The following ZNF44 variants were observed in gnomAD, a reference collection of about 807,000 sequenced individuals.
ZNF44 encodes the protein zinc finger protein 44.
A neutral mutation model predicts 11.7 loss-of-function variants in ZNF44; 9 were observed. The observed-to-expected ratio is 0.77, with a 90% CI of 0.46 to 1.35. ZNF44 has a LOEUF of 1.35. Among genes scored for constraint, ZNF44 ranks in the 40% most tolerant of loss-of-function variants. The pLI, the probability that ZNF44 is intolerant of heterozygous loss-of-function variation, is 0.00. For synonymous variants in ZNF44, 224 were observed against 242.7 expected (o/e 0.92, Z 0.72); for missense variants, 696 against 743.1 (o/e 0.94, Z 0.74).
chr19:12,238,669 G>A (rs1013406636), upstream of ZNF44, among the ~76,000 whole-genome samples: 1 of 150,694 alleles, frequency 6.6e-6, no homozygotes, highest in Non-Finnish European at 1.5e-5. Context: ...GGTGGCACGT[G>A]CCTGTAATCC....
intron 5 of ZNF44, among the ~76,000 whole-genome samples, chr19:12,263,650 G>T (rs1238862210): frequency 2.6e-5 from 4 of 152,112 alleles, no homozygotes; most frequent in African/African-American, 9.6e-5. Context: ...TTAGCGCTGG[G>T]TGCAGTGGCT....
Position 12,248,231 on chromosome 19 carries a change from T to C in ZNF44, c.*634A>G, listed in dbSNP as rs1227873669. On this transcript the variant is annotated 3_prime_UTR_variant and NMD_transcript_variant, in exon 8 of 8. Coordinates refer to the ZNF44 transcript ENST00000393337. Reference sequence around the variant, plus strand: ...CTCCAGTATGAGCCTTTTCATGTTTTTGAGCAGATTGGTGGTATCGGAATG... The same window carrying C: ...CTCCAGTATGAGCCTTTTCATGTTTCTGAGCAGATTGGTGGTATCGGAATG... 2.3e-6 allele frequency: 3 copies of C among 1,302,674 alleles called. No individual in the cohort carries two copies. The South Asian group carries it at 3.7e-5, about 16-fold the overall frequency. The allele number at this position is 1,302,674 out of a possible 1,614,324, so 80.7% of individuals were successfully genotyped here.
intron 5 of ZNF44, among the ~76,000 whole-genome samples, chr19:12,261,642 TAAC>T (rs1012703498): frequency 3.3e-5 from 5 of 152,022 alleles, no homozygotes; most frequent in African/African-American, 1.2e-4. Context: ...TCTCTAACAA[TAAC>T]AACAACAACA....
chr19:12,258,204 G>A (rs891984814), intron 5 of ZNF44, among the ~76,000 whole-genome samples: 2 of 147,104 alleles, frequency 1.4e-5, no homozygotes, highest in Non-Finnish European at 3.0e-5. Flanking sequence ...GCATGGTGGC[G>A]CACCTGTGGT....
exon 8 of ZNF44, chr19:12,248,420 G>A: frequency 7.7e-7 from 1 of 1,290,972 alleles, no homozygotes; most frequent in Non-Finnish European, 1.0e-6. Context: ...GCAGATAACT[G>A]AAGGGTTTCC....
intron 3 of ZNF44, chr19:12,226,611 C>T (rs746582335): frequency 3.3e-5 from 5 of 152,064 alleles, no homozygotes; most frequent in Non-Finnish European, 7.4e-5. Context: ...AGATAGTTTC[C>T]AAATTCTGGA....
At chr19:12,242,368 G>A (rs534679289), upstream of ZNF44, among the ~76,000 whole-genome samples, 25 of 151,856 alleles carry the variant, frequency 1.6e-4, 1 homozygote, top group African/African-American at 5.6e-4. Flanking sequence ...AAATTAGCCG[G>A]GCGTGGTGGT....
chr19:12,293,149 C>A, intron 1 of ZNF44: 1 of 1,452,714 alleles, frequency 6.9e-7, no homozygotes, highest in East Asian at 2.5e-5. Flanking sequence ...GGATTACAGG[C>A]GTGAGCCACC....
At chr19:12,247,236 C>A, downstream of ZNF44, 2 of 1,132,064 alleles carry the variant, frequency 1.8e-6, no homozygotes, top group Non-Finnish European at 2.2e-6. Context: ...CTTTGAAAAT[C>A]GTTAAAATTG....
At chr19:12,279,653 TAAAC>T (rs997496544) in intron 1 of ZNF44, among the ~76,000 whole-genome samples, 5 of 151,888 alleles carry the variant, frequency 3.3e-5, no homozygotes, top group Admixed American at 2.0e-4. Flanking sequence ...AAGACAATAA[TAAAC>T]AAAGAACTAA....
chr19:12,253,871 C>G (rs1176521074), intron 5 of ZNF44, among the ~76,000 whole-genome samples: 1 of 151,872 alleles, frequency 6.6e-6, no homozygotes, highest in Non-Finnish European at 1.5e-5. Flanking sequence ...CCCAGCTACT[C>G]GGGAGGCTGA....
Position 12,273,565 on chromosome 19 carries a change from A to G in ZNF44, c.690T>C (p.Cys230=), listed in dbSNP as rs751917669. 2.5e-6 allele frequency: 4 copies of G among 1,614,018 alleles called. No homozygotes were observed. The East Asian group carries it at 6.7e-5, about 27-fold the overall frequency. Residue 230 remains cysteine, a synonymous_variant, in exon 4 of 4, where the codon TGT becomes TGC. Coordinates refer to ENST00000355684, the MANE Select transcript of ZNF44 (RefSeq NM_016264.4). ...TGEKPYECKQ[C]SKAFPVYSSY... ...AACTGTAAACAGGGAAGGCTTTAGAACACTGCTTACATTCATATGGTTTCT... is the reference window on the plus strand; with the variant it reads ...AACTGTAAACAGGGAAGGCTTTAGAGCACTGCTTACATTCATATGGTTTCT...
intron 3 of ZNF44, among the ~76,000 whole-genome samples, 200 bp from the exon 4 acceptor site, chr19:12,274,263 ATTC>A (rs1267157842): frequency 1.4e-5 from 2 of 143,244 alleles, no homozygotes; most frequent in Admixed American, 7.0e-5. Context: ...GGGATTCTTA[ATTC>A]TTTTTTTTTT....
upstream of ZNF44, among the ~76,000 whole-genome samples, chr19:12,240,608 C>T (rs1916582814): frequency 6.6e-6 from 1 of 151,912 alleles, no homozygotes; most frequent in Non-Finnish European, 1.5e-5. Flanking sequence ...TGTGTAGGGA[C>T]AGACATACAG....
At chr19:12,243,218 T>TC (rs1916676966), downstream of ZNF44, among the ~76,000 whole-genome samples, 1 of 152,122 alleles carries the variant, frequency 6.6e-6, no homozygotes, top group Non-Finnish European at 1.5e-5. Context: ...TGTATATATA[T>TC]ACATTCTGTA....
chr19:12,282,857 G>A (rs1254872932), intron 1 of ZNF44, among the ~76,000 whole-genome samples: 1 of 152,168 alleles, frequency 6.6e-6, no homozygotes, highest in Admixed American at 6.5e-5. Context: ...AAAAGACACT[G>A]ATTTATTTCT....
At chr19:12,268,731 G>A (rs1917832617), downstream of ZNF44, among the ~76,000 whole-genome samples, 5 of 149,058 alleles carry the variant, frequency 3.4e-5, no homozygotes, top group Admixed American at 3.3e-4. Context: ...ATGTCAGCAT[G>A]CCTGGCTAAT....
At chr19:12,252,096 A>G (rs1917031287) in intron 5 of ZNF44, among the ~76,000 whole-genome samples, 1 of 152,086 alleles carries the variant, frequency 6.6e-6, no homozygotes, top group Non-Finnish European at 1.5e-5. Flanking sequence ...AAAGTGCATT[A>G]AAGTCCACAA....
chr19:12,225,968 GAATTT>G (rs1479893400), downstream of ZNF44, among the ~76,000 whole-genome samples: 3 of 152,164 alleles, frequency 2.0e-5, no homozygotes, highest in Non-Finnish European at 4.4e-5. Flanking sequence ...AGAAAAATTA[GAATTT>G]AATTTAAACA....
Sources: allele counts gnomAD v4.1 joint callset (sites outside exome capture counted in the v4.1 genomes callset), GRCh38; gene constraint gnomAD v4.1.1; transcripts MANE v1.5; gene names NCBI Gene and HGNC (gene_info 2026-07-23, HGNC 2026-07-21).